Variants in SLC25A25 observed in about 807,000 individuals in gnomAD.
SLC25A25 encodes the protein mitochondrial adenyl nucleotide antiporter SLC25A25.
A neutral mutation model predicts 57.7 loss-of-function variants in SLC25A25; 32 were observed. The observed-to-expected ratio is 0.55, with a 90% CI of 0.42 to 0.74. SLC25A25 has a LOEUF of 0.74. Ranked by LOEUF, SLC25A25 falls within the 30% of genes least tolerant of loss-of-function variation. The probability of loss-of-function intolerance (pLI) is 0.00; values close to 1 mark genes in which losing one functional copy is unlikely to be tolerated. For synonymous variants in SLC25A25, 306 were observed against 291.2 expected, an observed-to-expected ratio of 1.05 and a Z score of -0.52; for missense variants, 556 against 701.3, an observed-to-expected ratio of 0.79 and a Z score of 2.34.
chr9:128,076,526 C>T (rs565330362), intron 1 of SLC25A25, among the ~76,000 whole-genome samples: 6 of 150,048 alleles, frequency 4.0e-5, no homozygotes, highest in South Asian at 2.1e-4. Context: ...AGTGCAGTGG[C>T]GTGATCTCAG....
intron 1 of SLC25A25, chr9:128,098,488 C>G: frequency 6.5e-7 from 1 of 1,538,520 alleles, no homozygotes; most frequent in Admixed American, 1.9e-5. Flanking sequence ...TTGTCTTATG[C>G]AAGTTTCCCG....
chr9:128,069,633 A>T (rs944714023), intron 1 of SLC25A25, among the ~76,000 whole-genome samples: 1 of 152,240 alleles, frequency 6.6e-6, no homozygotes, highest in African/African-American at 2.4e-5. Context: ...CTCATGTTCA[A>T]GATTCTTGGA....
intron 6 of SLC25A25, among the ~76,000 whole-genome samples, chr9:128,104,062 C>T (rs1408165924): frequency 1.3e-5 from 2 of 152,082 alleles, no homozygotes; most frequent in African/African-American, 2.4e-5. Flanking sequence ...CATCACATTA[C>T]AGGGGCATAA....
chr9:128,073,829 G>A (rs549150809), intron 1 of SLC25A25, among the ~76,000 whole-genome samples: 4 of 151,330 alleles, frequency 2.6e-5, no homozygotes, highest in Admixed American at 1.3e-4. Flanking sequence ...CTACCTCCCC[G>A]GTTCAAGCAA....
chr9:128,071,214 GGA>G (rs961278677), intron 1 of SLC25A25, among the ~76,000 whole-genome samples: 1 of 152,070 alleles, frequency 6.6e-6, no homozygotes, highest in African/African-American at 2.4e-5. Context: ...GGGCAAATAA[GGA>G]GAAAGTGATC....
At position 128,101,272 on chromosome 9, in the gene SLC25A25, T is replaced by C. The variant is rs374455018; in HGVS notation, c.389-37T>C. ...GCCGGTCCAGCCTCGGGCCTCCCCG[T>C]GCGCCTGGCTCCTGCTCACGGCCTC... On this transcript the variant is annotated intron_variant, in intron 2 of 10. Coordinates refer to ENST00000373069, the MANE Select transcript of SLC25A25 (RefSeq NM_001330988.2). This position sits in a 1 kb window ranked among gnomAD's most constrained non-coding sequence, Gnocchi z 4.9. 3.1e-6 allele frequency: 5 copies of C among 1,614,210 alleles called. No homozygotes were observed. Among genetic ancestry groups the C allele is most frequent in the African/African-American group, 1.3e-5 (1 of 75,060 alleles).
In SLC25A25 at chr9:128,102,310, G is replaced by A. The variant is rs1023980632; in HGVS notation, c.513-60G>A. 2 of 1,510,308 alleles carry A rather than the reference G, an allele frequency of 1.3e-6. No homozygotes were observed. The highest frequency in any genetic ancestry group is 1.8e-6 in the Non-Finnish European group (2 of 1,090,606). The allele number at this position is 1,510,308 out of a possible 1,614,324, so 93.6% of individuals were successfully genotyped here. A position where few individuals can be genotyped will look rare whatever the true frequency, so the allele number is the denominator to read the frequency against. On this transcript the variant is annotated intron_variant, in intron 4 of 10. Coordinates refer to ENST00000373069, the MANE Select transcript of SLC25A25 (RefSeq NM_001330988.2). The surrounding 1 kb of genome is among the most constrained non-coding windows in gnomAD (Gnocchi z 4.1). The stretch of plus-strand genomic sequence containing the variant: ...CTGCCCTTGGCTCACTGGGAGGTGG[G>A]GGGATGCAGCTGGCGGATGGGCATG...
At chr9:128,074,854 G>T (rs1389857576) in intron 1 of SLC25A25, among the ~76,000 whole-genome samples, 1 of 151,782 alleles carries the variant, frequency 6.6e-6, no homozygotes, top group Non-Finnish European at 1.5e-5. Flanking sequence ...TACAAAAATT[G>T]GCTGGGCACA....
In SLC25A25 at chr9:128,102,616, T is replaced by TGGGCTGGCAGAAGAGG; in HGVS notation, c.624+136_624+137insGGCTGGCAGAAGAGGG. The stretch of plus-strand genomic sequence containing the variant: ...TTCCACAGGAGACTGTCCCCTCTTC[T>TGGGCTGGCAGAAGAGG]GCCAGCCCAGTAGAGCTGTCCGCAT... On this transcript the variant is annotated intron_variant, in intron 5 of 10. Coordinates refer to ENST00000373069, the MANE Select transcript of SLC25A25 (RefSeq NM_001330988.2). The surrounding 1 kb of genome is among the most constrained non-coding windows in gnomAD (Gnocchi z 4.1). 1.5e-6 allele frequency: 1 copy of TGGGCTGGCAGAAGAGG among 682,970 alleles called. No homozygotes were observed. Among genetic ancestry groups the TGGGCTGGCAGAAGAGG allele is most frequent in the Non-Finnish European group, 2.5e-6 (1 of 403,404 alleles). 42.3% of individuals were successfully genotyped at this position (682,970 alleles called of 1,614,324 possible).
intron 1 of SLC25A25, among the ~76,000 whole-genome samples, chr9:128,074,187 ACAC>A (rs1333987311): frequency 2.0e-5 from 3 of 151,874 alleles, no homozygotes. Flanking sequence ...TTACTGGTGC[ACAC>A]CACCACGTCA....
At chr9:128,106,032 C>T in intron 7 of SLC25A25, 118 bp from the exon 8 acceptor site, 1 of 1,535,098 alleles carries the variant, frequency 6.5e-7, no homozygotes, top group Non-Finnish European at 8.9e-7. Context: ...AGGCTCACCA[C>T]GAGTTCCTTA....
rs529337400 is a variant in SLC25A25 at position 128,084,295 on chromosome 9, CTG to C, written c.261+15717_261+15718del. 7.1e-3 allele frequency among the ~76,000 whole-genome samples: 1,049 copies of C among 147,244 alleles called. 8 individuals are homozygous for C. The highest frequency in any genetic ancestry group is 0.012 in the Non-Finnish European group (787 of 67,466). On this transcript the variant is annotated intron_variant, in intron 1 of 10. Coordinates refer to ENST00000373069, the MANE Select transcript of SLC25A25 (RefSeq NM_001330988.2). ...TTTTTTTTTTTGATACAGTCTCACT[CTG>C]TTGCCCAGGCTGGAGTGCAGTGGCG... is the stretch of plus-strand genomic sequence containing the variant.
intron 1 of SLC25A25, among the ~76,000 whole-genome samples, chr9:128,088,960 T>A (rs1241626467): frequency 6.6e-6 from 1 of 152,208 alleles, no homozygotes; most frequent in African/African-American, 2.4e-5. Flanking sequence ...GGTCTCACTC[T>A]GTCAGCCAGG....
chr9:128,087,538 C>T (rs1361976693), intron 1 of SLC25A25, among the ~76,000 whole-genome samples: 1 of 152,116 alleles, frequency 6.6e-6, no homozygotes, highest in Non-Finnish European at 1.5e-5. Context: ...TGCCAGAGTT[C>T]GTTTTTTCGA....
intron 1 of SLC25A25, chr9:128,091,404 C>T: frequency 1.0e-6 from 1 of 982,900 alleles, no homozygotes; most frequent in Non-Finnish European, 1.2e-6. Flanking sequence ...AGGTGATTGG[C>T]CGGGCTCTGC....
At position 128,108,389 on chromosome 9, in the gene SLC25A25, G is replaced by A. The variant is rs1428786727; in HGVS notation, c.*945G>A. 2 of 397,584 alleles carry A rather than the reference G, an allele frequency of 5.0e-6. No homozygotes were observed. The highest frequency in any genetic ancestry group is 2.1e-5 in the African/African-American group (1 of 48,632). 24.6% of individuals were successfully genotyped at this position (397,584 alleles called of 1,614,324 possible). On this transcript the variant is annotated 3_prime_UTR_variant, in exon 11 of 11. Transcript: ENST00000373069. ...GACTTCTGTGCTTCCAGAGGAAGAC[G>A]AGGGAGCAGGAGCTTGGCTGACTGC...
intron 1 of SLC25A25, chr9:128,098,624 T>C (rs776506321): frequency 1.1e-5 from 18 of 1,614,004 alleles, no homozygotes; most frequent in Admixed American, 1.7e-5. Flanking sequence ...CGAGTTCCAG[T>C]ACTTTGAGTC....
intron 6 of SLC25A25, among the ~76,000 whole-genome samples, chr9:128,105,158 C>CGT (rs1833967921): frequency 6.9e-5 from 2 of 29,134 alleles, no homozygotes; most frequent in African/African-American, 3.2e-4. Flanking sequence ...CACTCCCGGC[C>CGT]TTTTTTTTTT....
chr9:128,105,679 G>A (rs529510298), intron 6 of SLC25A25, 50 bp from the exon 7 acceptor site: 2 of 1,611,140 alleles, frequency 1.2e-6, no homozygotes, highest in South Asian at 2.2e-5. Flanking sequence ...GCCGGGTGAG[G>A]CAGCCTGTGG....
Sources: allele counts gnomAD v4.1 joint callset (sites outside exome capture counted in the v4.1 genomes callset), GRCh38; gene constraint gnomAD v4.1.1; non-coding constraint Gnocchi (gnomAD v3.1); transcripts MANE v1.5; gene names NCBI Gene and HGNC (gene_info 2026-07-23, HGNC 2026-07-21).